Variants in NBEA observed in about 807,000 individuals in gnomAD.
The protein encoded by NBEA is lysosomal-trafficking regulator 2.
In NBEA, 44 loss-of-function variants were observed where a neutral mutation model predicts 343.4. The observed-to-expected ratio is 0.13, with a 90% CI of 0.10 to 0.16. The LOEUF (loss-of-function observed/expected upper bound fraction) is 0.16, where lower values mean the gene tolerates loss of function less well. NBEA is among the 10% of genes least tolerant of loss of function. NBEA has a pLI of 1.00. For synonymous variants in NBEA, 1,175 were observed against 1,238.7 expected, an observed-to-expected ratio of 0.95 and a Z score of 1.08; for missense variants, 2,555 against 3,631.3, an observed-to-expected ratio of 0.70 and a Z score of 7.62.
At chr13:35,357,132 A>G (rs1246793680) in intron 38 of NBEA, among the ~76,000 whole-genome samples, 1 of 152,018 alleles carries the variant, frequency 6.6e-6, no homozygotes, top group Non-Finnish European at 1.5e-5. Context: ...AAATTTCCAT[A>G]CACATGTATC....
rs779231864 is a variant in NBEA at position 35,667,378 on chromosome 13, C to T, written c.8469C>T (p.Gly2823=). Residue 2823 remains glycine (G), a synonymous_variant, in exon 57 of 59, where the codon GGC becomes GGT. Coordinates refer to ENST00000379939, the MANE Select transcript of NBEA (RefSeq NM_001385012.1). ...LGLVISGAKE[G]PCLVHTITGD... is the part of the protein sequence containing the mutation. The stretch of plus-strand genomic sequence containing the variant: ...ATTGATGTCCCCACTTTGCAGAGGG[C>T]CCTTGCCTTGTCCACACCATCACTG... The T allele has an allele frequency of 8.1e-6, 13 of 1,613,620 alleles. No homozygotes were observed. The highest frequency in any genetic ancestry group is 6.7e-5 in the African/African-American group (5 of 75,030).
rs2070952703 is a variant in NBEA, at chr13:35,177,029, C to T, written c.4588C>T (p.Pro1530Ser). The part of the protein sequence containing the change: ...PLENVPGNLS[P>S]IKDPDRLLQD... ...GGAAAATGTTCCAGGTAACCTTTCTCCTATTAAGGATCCGGATAGACTTCT... is the reference window on the plus strand; with the variant it reads ...GGAAAATGTTCCAGGTAACCTTTCTTCTATTAAGGATCCGGATAGACTTCT... Residue 1530 changes from proline to serine, a missense_variant, in exon 28 of 59, where the codon CCT becomes TCT. Coordinates refer to ENST00000379939, the MANE Select transcript of NBEA (RefSeq NM_001385012.1). 6.2e-7 allele frequency: 1 copy of T among 1,603,826 alleles called. No homozygotes were observed. Among genetic ancestry groups the T allele is most frequent in the African/African-American group, 1.3e-5 (1 of 74,704 alleles).
At chr13:35,091,330 T>C (rs1034795314) in intron 10 of NBEA, among the ~76,000 whole-genome samples, 7 of 151,928 alleles carry the variant, frequency 4.6e-5, no homozygotes, top group Non-Finnish European at 7.4e-5. Flanking sequence ...ACTGAAAATA[T>C]CAGGGATGTC....
At chr13:35,571,727 AT>A (rs1201027132) in intron 45 of NBEA, among the ~76,000 whole-genome samples, 1 of 116,324 alleles carries the variant, frequency 8.6e-6, no homozygotes, top group Non-Finnish European at 1.9e-5. Flanking sequence ...AAGATTAAAA[AT>A]TAATGCCATT....
Position 35,178,569 on chromosome 13 carries a change from A to G in NBEA, c.4662+1466A>G, listed in dbSNP as rs2071079408. Among the ~76,000 whole-genome samples the G allele has an allele frequency of 2.0e-5, 3 of 151,732 alleles. No homozygotes were observed. The Admixed American group carries it at 2.0e-4, about 10-fold the overall frequency. On this transcript the variant is annotated intron_variant, in intron 28 of 58. Coordinates refer to ENST00000379939, the MANE Select transcript of NBEA (RefSeq NM_001385012.1). ...GTATACTGATTGTATGTACATACAT[A>G]CGTGCATCTTTATTTTTAAAAAAAG...
intron 41 of NBEA, among the ~76,000 whole-genome samples, chr13:35,525,688 C>T (rs1405853168): frequency 1.3e-5 from 2 of 152,150 alleles, no homozygotes; most frequent in African/African-American, 4.8e-5. Flanking sequence ...TTTGGGGTCA[C>T]TATAACAAAA....
chr13:35,215,703 C>T (rs1256995116), intron 33 of NBEA, among the ~76,000 whole-genome samples: 2 of 151,638 alleles, frequency 1.3e-5, no homozygotes, highest in African/African-American at 2.4e-5. Context: ...ATCGATCTAA[C>T]ACTTTCTGTA....
At chr13:35,216,338 C>G (rs370713536) in intron 33 of NBEA, among the ~76,000 whole-genome samples, 1 of 151,872 alleles carries the variant, frequency 6.6e-6, no homozygotes. Flanking sequence ...TATTGGAATA[C>G]AGCCACACTC....
At chr13:35,008,842 C>T (rs1048881902) in intron 1 of NBEA, among the ~76,000 whole-genome samples, 1 of 152,132 alleles carries the variant, frequency 6.6e-6, no homozygotes, top group Non-Finnish European at 1.5e-5. Context: ...TACTTACTTG[C>T]AACAATTCTT....
At chr13:35,668,341 T>C in intron 57 of NBEA, 27 bp from the exon 58 acceptor site, 1 of 1,542,830 alleles carries the variant, frequency 6.5e-7, no homozygotes, top group Non-Finnish European at 8.7e-7. Context: ...TGTTTTTTTT[T>C]GTTTGTTTGT....
At chr13:35,460,712 T>C (rs970258349) in intron 40 of NBEA, among the ~76,000 whole-genome samples, 3 of 152,234 alleles carry the variant, frequency 2.0e-5, no homozygotes, top group Admixed American at 6.5e-5. Flanking sequence ...ATAACCAAAC[T>C]GTGTAAATTA....
intron 4 of NBEA, 107 bp from the exon 5 acceptor site, chr13:35,048,456 G>T: frequency 1.0e-6 from 1 of 1,003,728 alleles, no homozygotes; most frequent in Non-Finnish European, 1.4e-6. Context: ...TGATTTTCTG[G>T]TATTTATACT....
chr13:35,010,710 C>A (rs1332313509), intron 1 of NBEA, among the ~76,000 whole-genome samples: 1 of 71,418 alleles, frequency 1.4e-5, no homozygotes, highest in Non-Finnish European at 2.8e-5. Context: ...GACAACATAG[C>A]AAGACTGGGT....
chr13:35,125,482 A>T lies in NBEA; in HGVS notation c.2336+1908A>T, dbSNP rs933724086. 3.3e-5 allele frequency among the ~76,000 whole-genome samples: 5 copies of T among 152,344 alleles called. No individual in the cohort carries two copies. In the South Asian group the frequency reaches 8.3e-4, roughly 25 times the overall value. ...TGAATCAGATTGGTTTCAGAAAAGG[A>T]GAAGATATATCACAAAGAATTACAC... On this transcript the variant is annotated intron_variant, in intron 17 of 58. Coordinates refer to ENST00000379939, the MANE Select transcript of NBEA (RefSeq NM_001385012.1).
At chr13:35,546,589 G>A (rs1270739474) in intron 41 of NBEA, among the ~76,000 whole-genome samples, 1 of 146,254 alleles carries the variant, frequency 6.8e-6, no homozygotes, top group Non-Finnish European at 1.5e-5. Flanking sequence ...ATCTTGCTCT[G>A]TCACCCAGGC....
chr13:35,223,377 A>T (rs374098850), intron 33 of NBEA, among the ~76,000 whole-genome samples: 1 of 152,128 alleles, frequency 6.6e-6, no homozygotes, highest in African/African-American at 2.4e-5. Context: ...TTATTTTACC[A>T]TCTTTTTCTA....
chr13:34,944,543 T>TCAAA (rs1380364081), intron 1 of NBEA, among the ~76,000 whole-genome samples: 1 of 152,212 alleles, frequency 6.6e-6, no homozygotes, highest in East Asian at 1.9e-4. Context: ...GAAAAGTCAG[T>TCAAA]GTAAGTTTGA....
At chr13:35,630,469 A>C (rs1410523083) in intron 49 of NBEA, among the ~76,000 whole-genome samples, 1 of 152,174 alleles carries the variant, frequency 6.6e-6, no homozygotes, top group Non-Finnish European at 1.5e-5. Context: ...AGATGGTCTG[A>C]ACAATATCTT....
chr13:35,532,366 AT>A (rs985597680), intron 41 of NBEA, among the ~76,000 whole-genome samples: 5 of 151,676 alleles, frequency 3.3e-5, no homozygotes, highest in African/African-American at 4.8e-5. Flanking sequence ...TTAACCCTTT[AT>A]TTTTTTTAAT....
Sources: gnomAD v4.1 joint callset for allele counts (sites outside exome capture counted in the v4.1 genomes callset) on GRCh38, gnomAD v4.1.1 for gene constraint, MANE v1.5 for transcripts, NCBI Gene and HGNC (gene_info 2026-07-23, HGNC 2026-07-21) for gene names.